AFG2B: variants seen among roughly 807,000 people sequenced by gnomAD.
AFG2B encodes ATPase family gene 2 protein homolog B.
At chr15:45,413,764 C>T in the AFG2B span, among the ~76,000 whole-genome samples, 1 of 152,288 alleles carries the variant, frequency 6.6e-6, no homozygotes, top group East Asian at 1.9e-4. Context: ...CACCGTTGCT[C>T]CTTGCTGGTG....
chr15:45,413,339 G>A, the AFG2B span, among the ~76,000 whole-genome samples: 1 of 152,116 alleles, frequency 6.6e-6, no homozygotes, highest in Non-Finnish European at 1.5e-5. Flanking sequence ...CTGATCATCA[G>A]AACTACTTCA....
the AFG2B span, among the ~76,000 whole-genome samples, chr15:45,404,865 AT>A: frequency 5.5e-4 from 83 of 151,894 alleles, 1 homozygote; most frequent in Admixed American, 5.4e-3. Context: ...CATATATAAA[AT>A]TTTTTTGGAA....
chr15:45,404,691 C>T, the AFG2B span, among the ~76,000 whole-genome samples: 29 of 151,486 alleles, frequency 1.9e-4, no homozygotes, highest in African/African-American at 6.8e-4. Context: ...GCCTGTAGTT[C>T]TAGCTACTCT....
At chr15:45,417,140 G>A in the AFG2B span, 1 of 1,129,596 alleles carries the variant, frequency 8.9e-7, no homozygotes, top group Non-Finnish European at 1.2e-6. Context: ...CTGGAAAGCG[G>A]ATATAAGCAT....
At chr15:45,410,675 T>G in the AFG2B span, 1 of 793,772 alleles carries the variant, frequency 1.3e-6, no homozygotes, top group Non-Finnish European at 1.9e-6. Context: ...TGCTTTTCAG[T>G]CCTTATTTAA....
chr15:45,418,716 A>G, the AFG2B span: 1 of 1,602,098 alleles, frequency 6.2e-7, no homozygotes, highest in African/African-American at 1.4e-5. Flanking sequence ...TGTGGTTCAA[A>G]ACATTTCTGC....
At chr15:45,420,978 GC>G in the AFG2B span, 1 of 1,538,062 alleles carries the variant, frequency 6.5e-7, no homozygotes, top group South Asian at 1.2e-5. Context: ...GGCAATAAGA[GC>G]AAAACTCCAT....
chr15:45,421,024 A>C, the AFG2B span: 1 of 1,600,204 alleles, frequency 6.2e-7, no homozygotes, highest in Non-Finnish European at 8.5e-7. Flanking sequence ...ATTGTTTTCT[A>C]TTGCTTGTCT....
the AFG2B span, chr15:45,403,212 G>T: frequency 1.3e-6 from 2 of 1,497,968 alleles, no homozygotes; most frequent in African/African-American, 1.5e-5. Flanking sequence ...CGGGCGCGGA[G>T]CTGCTGGCAG....
chr15:45,415,299 C>T, the AFG2B span, among the ~76,000 whole-genome samples: 1 of 151,994 alleles, frequency 6.6e-6, no homozygotes, highest in Non-Finnish European at 1.5e-5. Context: ...GAGTTCAAGA[C>T]CAGCCTGGCC....
chr15:45,407,078 C>T, the AFG2B span: 1 of 1,289,242 alleles, frequency 7.8e-7, no homozygotes, highest in African/African-American at 1.5e-5. Flanking sequence ...CAGTCAGCTG[C>T]TGTCGTCCCA....
At chr15:45,408,575 G>C in the AFG2B span, among the ~76,000 whole-genome samples, 4 of 152,204 alleles carry the variant, frequency 2.6e-5, no homozygotes, top group Non-Finnish European at 4.4e-5. Flanking sequence ...ACATGTAGAG[G>C]CACAGAGTGT....
the AFG2B span, chr15:45,402,745 C>T: frequency 6.4e-7 from 1 of 1,570,420 alleles, no homozygotes; most frequent in South Asian, 1.1e-5. Context: ...GCCCTGTCCG[C>T]CCCTGCGGCG....
At chr15:45,419,176 G>T in the AFG2B span, among the ~76,000 whole-genome samples, 1 of 152,190 alleles carries the variant, frequency 6.6e-6, no homozygotes, top group African/African-American at 2.4e-5. Flanking sequence ...GGCTAGGCGT[G>T]GTGGCTCGTG....
the AFG2B span, chr15:45,417,754 G>A: frequency 5.8e-6 from 1 of 173,238 alleles, no homozygotes; most frequent in Middle Eastern, 2.7e-3. Flanking sequence ...CAGAGATTAT[G>A]CAGTGTATCG....
chr15:45,421,021 TC>T, the AFG2B span: 1 of 1,599,090 alleles, frequency 6.3e-7, no homozygotes, highest in Admixed American at 1.8e-5. Flanking sequence ...GAAATTGTTT[TC>T]TATTGCTTGT....
At chr15:45,420,946 C>T in the AFG2B span, 9 of 1,247,400 alleles carry the variant, frequency 7.2e-6, no homozygotes, top group Admixed American at 2.7e-5. Context: ...GAGTCCAGAT[C>T]GTGCCACTGC....
chr15:45,409,440 A>G, the AFG2B span, among the ~76,000 whole-genome samples: 2 of 151,780 alleles, frequency 1.3e-5, no homozygotes, highest in South Asian at 2.1e-4. Flanking sequence ...ACACAGCTTC[A>G]TATTATCGGA....
the AFG2B span, among the ~76,000 whole-genome samples, chr15:45,406,869 TG>T: frequency 6.6e-6 from 1 of 152,268 alleles, no homozygotes; most frequent in Admixed American, 6.5e-5. Flanking sequence ...ATCTTCTAGT[TG>T]ATCTTTTAAG....
Sources: gnomAD v4.1 joint callset for allele counts (sites outside exome capture counted in the v4.1 genomes callset) on GRCh38, gnomAD v4.1.1 for gene constraint, MANE v1.5 for transcripts, NCBI Gene and HGNC (gene_info 2026-07-23, HGNC 2026-07-21) for gene names.